SLC41A2: variants seen among roughly 807,000 people sequenced by gnomAD.
SLC41A2 encodes the protein solute carrier family 41 member 2.
A neutral mutation model predicts 58.3 loss-of-function variants in SLC41A2; 32 were observed. That is an observed-to-expected ratio of 0.55 (90% CI 0.41 to 0.74). The LOEUF (loss-of-function observed/expected upper bound fraction) is 0.74, where lower values mean the gene tolerates loss of function less well. Ranked by LOEUF, SLC41A2 falls within the 30% of genes least tolerant of loss-of-function variation. The pLI is 0.00. For synonymous variants in SLC41A2, 190 were observed against 235.0 expected (o/e 0.81, Z 1.75); for missense variants, 514 against 680.6 (o/e 0.76, Z 2.72).
chr12:104,850,775 T>C (rs2042769138), intron 8 of SLC41A2, among the ~76,000 whole-genome samples: 1 of 152,314 alleles, frequency 6.6e-6, no homozygotes, highest in Admixed American at 6.5e-5. Flanking sequence ...TTAAAGCAAA[T>C]GCTTAAGATA....
chr12:104,952,887 T>C (rs1013531677), intron 1 of SLC41A2, among the ~76,000 whole-genome samples: 6 of 152,142 alleles, frequency 3.9e-5, no homozygotes, highest in Admixed American at 3.9e-4. Context: ...CTACTTCCTA[T>C]TCAGCTTAAG....
At chr12:104,828,906 T>C in intron 10 of SLC41A2, among the ~76,000 whole-genome samples, 1 of 152,090 alleles carries the variant, frequency 6.6e-6, no homozygotes, top group East Asian at 1.9e-4. Flanking sequence ...ATATAGTCAC[T>C]ATCATCAGTC....
rs1165404106 is a variant in SLC41A2, at chr12:104,934,047, T to C, written c.-167-5353A>G. The stretch of plus-strand genomic sequence containing the variant: ...ATTCATCCATGTAGCCCAAAACTAC[T>C]TGTACTCATAAAGCTACTAAAAAAA... On this transcript the variant is annotated intron_variant, in intron 1 of 10. Transcript: ENST00000258538. Among the ~76,000 whole-genome samples the C allele has an allele frequency of 3.3e-5, 5 of 151,812 alleles. No homozygotes were observed. The East Asian group carries it at 9.7e-4, about 30-fold the overall frequency.
intron 8 of SLC41A2, among the ~76,000 whole-genome samples, chr12:104,853,028 C>T (rs925209344): frequency 3.9e-5 from 6 of 152,096 alleles, no homozygotes; most frequent in Admixed American, 6.6e-5. Context: ...TGTCAATATA[C>T]TAAATAATAT....
At chr12:104,948,153 T>G (rs1184179516) in intron 1 of SLC41A2, among the ~76,000 whole-genome samples, 2 of 152,224 alleles carry the variant, frequency 1.3e-5, no homozygotes, top group African/African-American at 4.8e-5. Context: ...TAGGGATCCC[T>G]AAAAATTTTG....
At chr12:104,924,658 C>T (rs559858096) in intron 2 of SLC41A2, among the ~76,000 whole-genome samples, 4 of 151,928 alleles carry the variant, frequency 2.6e-5, no homozygotes, top group Non-Finnish European at 5.9e-5. Context: ...GCAGGAGAAT[C>T]GCTTGAACCT....
intron 10 of SLC41A2, among the ~76,000 whole-genome samples, chr12:104,842,126 C>A (rs770448310): frequency 1.3e-5 from 2 of 151,968 alleles, no homozygotes; most frequent in Non-Finnish European, 2.9e-5. Flanking sequence ...GTGAAAGATT[C>A]TTTGTCTTTA....
At chr12:104,916,727 A>G (rs1031904641) in intron 2 of SLC41A2, among the ~76,000 whole-genome samples, 8 of 152,200 alleles carry the variant, frequency 5.3e-5, no homozygotes, top group African/African-American at 1.9e-4. Context: ...ATGGGGAAAG[A>G]ATTTCCTATT....
At position 104,935,886 on chromosome 12, in the gene SLC41A2, T is replaced by C. The variant is rs141955723; in HGVS notation, c.-167-7192A>G. Among the ~76,000 whole-genome samples the C allele has an allele frequency of 7.8e-3, 1,189 of 151,958 alleles. 14 individuals are homozygous for C. Among genetic ancestry groups the C allele is most frequent in the African/African-American group, 0.026 (1,090 of 41,386 alleles). On this transcript the variant is annotated intron_variant, in intron 1 of 10. Coordinates refer to ENST00000258538, the MANE Select transcript of SLC41A2 (RefSeq NM_001352171.3). ...GGCGAAACCCTGTCTCTAGTAAAAATACAAAAATTAGCTGGGCATGAAGGC... is the reference window on the plus strand; with the variant it reads ...GGCGAAACCCTGTCTCTAGTAAAAACACAAAAATTAGCTGGGCATGAAGGC...
chr12:104,870,427 C>CA (rs940770899), intron 6 of SLC41A2, among the ~76,000 whole-genome samples: 1 of 152,000 alleles, frequency 6.6e-6, no homozygotes, highest in South Asian at 2.1e-4. Flanking sequence ...ACAAAACAAA[C>CA]AAAAAAACCC....
chr12:104,840,957 A>G (rs1333654397), intron 10 of SLC41A2, among the ~76,000 whole-genome samples: 1 of 152,160 alleles, frequency 6.6e-6, no homozygotes, highest in Non-Finnish European at 1.5e-5. Flanking sequence ...GAGATGATAT[A>G]CTCTGAAAAA....
intron 4 of SLC41A2, among the ~76,000 whole-genome samples, 158 bp downstream of exon 4, chr12:104,895,116 T>C (rs1231566636): frequency 1.3e-5 from 2 of 152,172 alleles, no homozygotes; most frequent in African/African-American, 2.4e-5. Context: ...TAGGTATCCA[T>C]TTATTCCATC....
intron 6 of SLC41A2, 40 bp downstream of exon 6, chr12:104,886,253 C>T (rs935813985): frequency 6.3e-7 from 1 of 1,598,638 alleles, no homozygotes; most frequent in Non-Finnish European, 8.5e-7. Flanking sequence ...TTTAAAGAGA[C>T]TTGAGACAAC....
chr12:104,885,872 T>C (rs1380865938), intron 6 of SLC41A2, among the ~76,000 whole-genome samples: 2 of 152,118 alleles, frequency 1.3e-5, no homozygotes, highest in Non-Finnish European at 2.9e-5. Flanking sequence ...AAATTTTAAG[T>C]ACCACTTATA....
chr12:104,882,372 G>T (rs1307995565), intron 6 of SLC41A2, among the ~76,000 whole-genome samples: 1 of 152,016 alleles, frequency 6.6e-6, no homozygotes, highest in African/African-American at 2.4e-5. Context: ...GATGTTCGCT[G>T]GTTTTTTTTG....
Position 104,805,006 on chromosome 12 carries a change from A to AT in SLC41A2, c.*145_*146insA. On this transcript the variant is annotated 3_prime_UTR_variant, in exon 11 of 11. Coordinates refer to ENST00000258538, the MANE Select transcript of SLC41A2 (RefSeq NM_001352171.3). Reference sequence around the variant, plus strand: ...TTTTGACACAAATTCCTTAAAAAAAAATTAAGGCCATTTAATTGAATCAGG... The same window carrying AT: ...TTTTGACACAAATTCCTTAAAAAAAATATTAAGGCCATTTAATTGAATCAGG... 1.6e-6 allele frequency: 1 copy of AT among 621,998 alleles called. No individual in the cohort carries two copies. Among genetic ancestry groups the AT allele is most frequent in the Admixed American group, 2.8e-5 (1 of 36,126 alleles). 38.5% of individuals were successfully genotyped at this position (621,998 alleles called of 1,614,324 possible). A position where few individuals can be genotyped will look rare whatever the true frequency, so the allele number is the denominator to read the frequency against.
chr12:104,853,911 A>ATTATTATTATTATTATTTTTT lies in SLC41A2; in HGVS notation c.1255+7379_1255+7380insAAAAAATAATAATAATAATAA. On this transcript the variant is annotated intron_variant, in intron 8 of 10. Coordinates refer to ENST00000258538, the MANE Select transcript of SLC41A2 (RefSeq NM_001352171.3). ...GGGTGCATGTCACCATGCCTGGCTG[A>ATTATTATTATTATTATTTTTT]TTTTTTTTTTTTTTTTTTTTTTTTT... Among the ~76,000 whole-genome samples, 298 of 59,430 alleles carry ATTATTATTATTATTATTTTTT rather than the reference A, an allele frequency of 5.0e-3. 9 individuals carry two copies. Among genetic ancestry groups the ATTATTATTATTATTATTTTTT allele is most frequent in the Middle Eastern group, 0.012 (1 of 86 alleles). 39.0% of individuals were successfully genotyped at this position (59,430 alleles called of 152,430 possible).
At chr12:104,907,067 T>TA (rs35798297) in intron 3 of SLC41A2, among the ~76,000 whole-genome samples, 76,759 of 151,926 alleles carry the variant, frequency 0.51, 19,766 homozygotes, top group Middle Eastern at 0.56. Flanking sequence ...CCTGCCTTGT[T>TA]ATTCATGTAT....
intron 6 of SLC41A2, among the ~76,000 whole-genome samples, chr12:104,880,470 A>C (rs1050231083): frequency 2.6e-5 from 4 of 152,116 alleles, no homozygotes; most frequent in Non-Finnish European, 4.4e-5. Flanking sequence ...AATAGCTCTT[A>C]CTATTTTGAG....
Sources: gnomAD v4.1 joint callset for allele counts (sites outside exome capture counted in the v4.1 genomes callset) on GRCh38, gnomAD v4.1.1 for gene constraint, MANE v1.5 for transcripts, NCBI Gene and HGNC (gene_info 2026-07-23, HGNC 2026-07-21) for gene names.